Variants in MAPK10 observed in about 807,000 individuals in gnomAD.
MAPK10 encodes the protein mitogen-activated protein kinase 10, also known as JNK3 alpha protein kinase.
Under a neutral mutation model 59.3 loss-of-function variants are expected in MAPK10, and 25 were observed. The ratio of observed to expected loss-of-function variants is 0.42; its 90% CI spans 0.31 to 0.59. The LOEUF is 0.59. MAPK10 is among the 20% of genes least tolerant of loss of function. MAPK10 has a pLI of 0.15. For missense variants in MAPK10, 351 were observed against 568.9 expected, an observed-to-expected ratio of 0.62 and a Z score of 3.90; for synonymous variants, 190 against 200.5, an observed-to-expected ratio of 0.95 and a Z score of 0.44.
At chr4:86,028,757 C>A in intron 13 of MAPK10, 1 of 185,994 alleles carries the variant, frequency 5.4e-6, no homozygotes, top group Admixed American at 5.6e-5. Context: ...TAACCGGAGC[C>A]CATCTTGGTA....
chr4:86,243,166 T>G (rs2092857683), intron 2 of MAPK10, among the ~76,000 whole-genome samples: 1 of 152,202 alleles, frequency 6.6e-6, no homozygotes. Flanking sequence ...CAGTGAAGGA[T>G]TCATACGTTT....
chr4:86,376,969 A>G (rs539622624), intron 1 of MAPK10, among the ~76,000 whole-genome samples: 32 of 152,198 alleles, frequency 2.1e-4, no homozygotes, highest in Non-Finnish European at 4.0e-4. Context: ...CCTGCTCCAG[A>G]GTAGCCCATC....
At chr4:86,248,874 T>C (rs1441403166) in intron 2 of MAPK10, among the ~76,000 whole-genome samples, 4 of 152,178 alleles carry the variant, frequency 2.6e-5, no homozygotes, top group Non-Finnish European at 4.4e-5. Context: ...TAAATCTGAG[T>C]ATTATAATGG....
rs557653470 is a variant in MAPK10 at position 86,016,428 on chromosome 4, C to T, written c.*800G>A. On this transcript the variant is annotated 3_prime_UTR_variant, in exon 14 of 14. Transcript: ENST00000641462. ...ACCATTTTGTGCCTGAAAACTGTTA[C>T]CCACTCGCCCCACACTTTACATAAG... 1.3e-5 allele frequency: 2 copies of T among 152,728 alleles called. No individual in the cohort carries two copies. The highest frequency in any genetic ancestry group is 2.9e-5 in the Non-Finnish European group (2 of 68,024). 9.5% of individuals were successfully genotyped at this position (152,728 alleles called of 1,614,324 possible). A position where few individuals can be genotyped will look rare whatever the true frequency, so the allele number is the denominator to read the frequency against.
At chr4:86,258,323 G>A (rs781171874) in intron 2 of MAPK10, among the ~76,000 whole-genome samples, 11 of 151,906 alleles carry the variant, frequency 7.2e-5, no homozygotes, top group Admixed American at 1.3e-4. Flanking sequence ...GGAGGAGCTC[G>A]TTCTCCATTT....
At chr4:86,242,251 G>A (rs1489837919) in intron 2 of MAPK10, among the ~76,000 whole-genome samples, 2 of 152,074 alleles carry the variant, frequency 1.3e-5, no homozygotes, top group African/African-American at 4.8e-5. Context: ...CTCTGACCTC[G>A]AGAGGCACCA....
chr4:86,424,543 T>C (rs1378886840), intron 1 of MAPK10, among the ~76,000 whole-genome samples: 1 of 152,124 alleles, frequency 6.6e-6, no homozygotes, highest in Non-Finnish European at 1.5e-5. Context: ...CAACTTAGGT[T>C]CTCACACTCT....
At chr4:86,267,110 A>T (rs1288499092) in intron 2 of MAPK10, among the ~76,000 whole-genome samples, 1 of 152,206 alleles carries the variant, frequency 6.6e-6, no homozygotes, top group Non-Finnish European at 1.5e-5. Flanking sequence ...AATGTAAATG[A>T]CATGCAATCA....
chr4:86,530,502 T>C (rs1757776814), intron 1 of MAPK10, among the ~76,000 whole-genome samples: 1 of 152,214 alleles, frequency 6.6e-6, no homozygotes, highest in Non-Finnish European at 1.5e-5. Context: ...TATAACAATT[T>C]ACCATAAACT....
At chr4:86,445,645 C>T (rs892149280) in intron 1 of MAPK10, among the ~76,000 whole-genome samples, 12 of 152,138 alleles carry the variant, frequency 7.9e-5, no homozygotes, top group African/African-American at 2.9e-4. Flanking sequence ...GGAAAAAACA[C>T]TTTACCTATA....
intron 9 of MAPK10, among the ~76,000 whole-genome samples, chr4:86,070,773 T>G (rs1334661511): frequency 6.6e-6 from 1 of 151,634 alleles, no homozygotes; most frequent in Non-Finnish European, 1.5e-5. Context: ...TGCCACATTT[T>G]CTTAATCCAG....
At chr4:86,037,384 G>A (rs1168485425) in intron 11 of MAPK10, among the ~76,000 whole-genome samples, 2 of 152,114 alleles carry the variant, frequency 1.3e-5, no homozygotes, top group Non-Finnish European at 2.9e-5. Flanking sequence ...GCCGGGCATT[G>A]TGGCAGGTGC....
At chr4:86,126,751 T>G (rs1429087657) in intron 4 of MAPK10, among the ~76,000 whole-genome samples, 1 of 152,080 alleles carries the variant, frequency 6.6e-6, no homozygotes, top group Non-Finnish European at 1.5e-5. Context: ...AAAATTAGTA[T>G]GCCCCAAACT....
intron 1 of MAPK10, among the ~76,000 whole-genome samples, chr4:86,401,932 C>G (rs188415460): frequency 5.3e-5 from 8 of 152,080 alleles, no homozygotes; most frequent in Non-Finnish European, 1.2e-4. Flanking sequence ...AGAAACTATC[C>G]CTCCTCCTCC....
intron 4 of MAPK10, among the ~76,000 whole-genome samples, chr4:86,151,703 A>G (rs1275616156): frequency 1.3e-5 from 2 of 152,188 alleles, no homozygotes; most frequent in African/African-American, 4.8e-5. Flanking sequence ...AGAGATGTCC[A>G]TAAAAAGATG....
chr4:86,237,209 C>T (rs1429703287), intron 2 of MAPK10, among the ~76,000 whole-genome samples: 1 of 152,176 alleles, frequency 6.6e-6, no homozygotes, highest in African/African-American at 2.4e-5. Flanking sequence ...TTTATGGCTG[C>T]ATAGTATTCC....
intron 9 of MAPK10, among the ~76,000 whole-genome samples, chr4:86,070,942 T>G (rs2047796787): frequency 6.6e-6 from 1 of 152,036 alleles, no homozygotes; most frequent in African/African-American, 2.4e-5. Flanking sequence ...GTATTTCTAG[T>G]TCTAGATCCC....
chr4:86,305,976 T>G (rs1467538532), intron 2 of MAPK10, among the ~76,000 whole-genome samples: 1 of 152,188 alleles, frequency 6.6e-6, no homozygotes, highest in East Asian at 1.9e-4. Flanking sequence ...AAGAAATAGA[T>G]AATTTGTTTG....
chr4:86,222,725 T>C (rs2089909632), intron 2 of MAPK10, among the ~76,000 whole-genome samples: 1 of 152,264 alleles, frequency 6.6e-6, no homozygotes, highest in African/African-American at 2.4e-5. Flanking sequence ...AAGTCCATTT[T>C]GTTCTTGACT....
Sources: gnomAD v4.1 joint callset for allele counts (sites outside exome capture counted in the v4.1 genomes callset) on GRCh38, gnomAD v4.1.1 for gene constraint, MANE v1.5 for transcripts, NCBI Gene and HGNC (gene_info 2026-07-23, HGNC 2026-07-21) for gene names.